GPC5: variants seen among roughly 807,000 people sequenced by gnomAD.
The protein encoded by GPC5 is glypican 5.
In GPC5, 47 loss-of-function variants were observed where a neutral mutation model predicts 53.9. The ratio of observed to expected loss-of-function variants is 0.87; its 90% CI spans 0.69 to 1.11. The LOEUF is 1.11. Ranked by LOEUF, GPC5 falls within the 50% of genes most tolerant of loss-of-function variation. The probability of loss-of-function intolerance (pLI) is 0.00; values close to 1 mark genes in which losing one functional copy is unlikely to be tolerated. For synonymous variants in GPC5, 286 were observed against 263.3 expected (o/e 1.09, Z -0.84); for missense variants, 748 against 713.1 (o/e 1.05, Z -0.56).
At chr13:91,720,619 T>C (rs1462276355) in intron 3 of GPC5, among the ~76,000 whole-genome samples, 1 of 152,184 alleles carries the variant, frequency 6.6e-6, no homozygotes, top group Non-Finnish European at 1.5e-5. Flanking sequence ...GTACCTTGCC[T>C]GATCTCTCCC....
chr13:92,203,453 C>T (rs2042309302), intron 7 of GPC5, among the ~76,000 whole-genome samples: 1 of 115,800 alleles, frequency 8.6e-6, no homozygotes. Flanking sequence ...CACATGGACA[C>T]AGGAAGGGGA....
In GPC5 at chr13:92,339,241, G is replaced by A. The variant is rs545325246; in HGVS notation, c.1561+194252G>A. ...GATTACAGCATTCTCTTTTTCCAAT[G>A]TTTCTTTATGCTTGTCTTGCTGGTA... is the stretch of plus-strand genomic sequence containing the variant. On this transcript the variant is annotated intron_variant, in intron 7 of 7. Coordinates refer to ENST00000377067, the MANE Select transcript of GPC5 (RefSeq NM_004466.6). 3.2e-4 allele frequency among the ~76,000 whole-genome samples: 49 copies of A among 151,466 alleles called. 1 individual carries two copies. Among genetic ancestry groups the A allele is most frequent in the African/African-American group, 1.2e-3 (48 of 41,364 alleles).
At chr13:92,107,945 C>T (rs1198690665) in intron 6 of GPC5, among the ~76,000 whole-genome samples, 1 of 152,152 alleles carries the variant, frequency 6.6e-6, no homozygotes, top group African/African-American at 2.4e-5. Context: ...ACTAATTTGT[C>T]CAAATTGCTC....
chr13:92,336,012 T>A (rs917405947), intron 7 of GPC5, among the ~76,000 whole-genome samples: 1 of 152,174 alleles, frequency 6.6e-6, no homozygotes, highest in Non-Finnish European at 1.5e-5. Context: ...TGCAATGTAG[T>A]AGTTCCAGCT....
intron 6 of GPC5, among the ~76,000 whole-genome samples, chr13:92,028,996 C>A (rs952185164): frequency 6.6e-6 from 1 of 152,180 alleles, no homozygotes; most frequent in Non-Finnish European, 1.5e-5. Flanking sequence ...TAGTACAACA[C>A]TTCATTAAAA....
At chr13:92,424,442 C>T (rs930243908) in intron 7 of GPC5, among the ~76,000 whole-genome samples, 1 of 151,890 alleles carries the variant, frequency 6.6e-6, no homozygotes, top group Non-Finnish European at 1.5e-5. Flanking sequence ...TTTTTTAACT[C>T]ATTAAAAAAG....
At chr13:92,376,313 C>G (rs2139300505) in intron 7 of GPC5, among the ~76,000 whole-genome samples, 1 of 152,306 alleles carries the variant, frequency 6.6e-6, no homozygotes, top group South Asian at 2.1e-4. Flanking sequence ...GCATAACGAT[C>G]TGGTGGAGCA....
intron 7 of GPC5, among the ~76,000 whole-genome samples, chr13:92,439,406 T>C (rs1179055188): frequency 6.6e-6 from 1 of 152,176 alleles, no homozygotes; most frequent in Non-Finnish European, 1.5e-5. Flanking sequence ...AAATGCAATT[T>C]AAACTAAAAT....
At chr13:92,028,053 TG>T (rs2040813485) in intron 6 of GPC5, among the ~76,000 whole-genome samples, 1 of 152,210 alleles carries the variant, frequency 6.6e-6, no homozygotes, top group Admixed American at 6.5e-5. Context: ...GGGGTAAATT[TG>T]GAGGGAAATA....
chr13:92,024,270 A>G (rs1478896276), intron 6 of GPC5, among the ~76,000 whole-genome samples: 5 of 152,106 alleles, frequency 3.3e-5, no homozygotes, highest in Non-Finnish European at 1.5e-5. Flanking sequence ...ATATATTTTC[A>G]GTTTTTAAAC....
intron 4 of GPC5, among the ~76,000 whole-genome samples, chr13:91,735,182 A>C (rs1349553175): frequency 2.0e-5 from 3 of 151,268 alleles, no homozygotes; most frequent in African/African-American, 7.4e-5. Flanking sequence ...CAACTCAAAA[A>C]GAGATTCTAC....
intron 2 of GPC5, among the ~76,000 whole-genome samples, chr13:91,594,440 A>T (rs1336214): frequency 0.042 from 6,356 of 152,278 alleles, 144 homozygotes; most frequent in Middle Eastern, 0.054. Context: ...GTAAATGGAA[A>T]CCTACTTAAA....
intron 5 of GPC5, among the ~76,000 whole-genome samples, chr13:91,813,137 T>A (rs188325121): frequency 6.6e-6 from 1 of 152,368 alleles, no homozygotes; most frequent in Admixed American, 6.5e-5. Flanking sequence ...AGGTTTCTTT[T>A]GATCCTTTTG....
chr13:92,524,709 T>C (rs1474654112), intron 7 of GPC5, among the ~76,000 whole-genome samples: 2 of 152,132 alleles, frequency 1.3e-5, no homozygotes, highest in Non-Finnish European at 2.9e-5. Context: ...TTGATTATTG[T>C]AGATTATCCA....
chr13:91,928,517 G>T (rs1421506463), intron 6 of GPC5, among the ~76,000 whole-genome samples: 2 of 152,094 alleles, frequency 1.3e-5, no homozygotes, highest in Non-Finnish European at 1.5e-5. Flanking sequence ...CCAACAATTG[G>T]TCACACTGCA....
chr13:91,795,464 C>A (rs1004278669), intron 5 of GPC5, among the ~76,000 whole-genome samples: 5 of 152,138 alleles, frequency 3.3e-5, no homozygotes, highest in African/African-American at 1.2e-4. Context: ...ATTTTTATTG[C>A]TGTTTCTTGG....
chr13:91,589,893 G>A (rs138377602), intron 2 of GPC5, among the ~76,000 whole-genome samples: 1 of 151,444 alleles, frequency 6.6e-6, no homozygotes, highest in Admixed American at 6.6e-5. Flanking sequence ...TTTAACTATG[G>A]GTATCTTCTA....
intron 6 of GPC5, among the ~76,000 whole-genome samples, chr13:92,059,040 T>C (rs1259714388): frequency 1.3e-5 from 2 of 152,222 alleles, no homozygotes; most frequent in African/African-American, 4.8e-5. Context: ...CATAAAACTG[T>C]ACATTTTATC....
chr13:92,838,203 G>A (rs1017626516), intron 7 of GPC5, among the ~76,000 whole-genome samples: 1 of 151,702 alleles, frequency 6.6e-6, no homozygotes, highest in Non-Finnish European at 1.5e-5. Flanking sequence ...AAACCTACTC[G>A]GCCAGGCACG....
Sources: gnomAD v4.1 joint callset for allele counts (sites outside exome capture counted in the v4.1 genomes callset) on GRCh38, gnomAD v4.1.1 for gene constraint, MANE v1.5 for transcripts, NCBI Gene and HGNC (gene_info 2026-07-23, HGNC 2026-07-21) for gene names.